The following PUS7L variants were observed in gnomAD, a reference collection of about 807,000 sequenced individuals.
PUS7L encodes pseudouridine synthase 7 like, also known as pseudouridylate synthase PUS7L.
PUS7L carries 49 observed loss-of-function variants against 51.1 expected under a neutral mutation model. The ratio of observed to expected loss-of-function variants is 0.96; its 90% CI spans 0.76 to 1.22. The LOEUF (loss-of-function observed/expected upper bound fraction) is 1.22, where lower values mean the gene tolerates loss of function less well. Among genes scored for constraint, PUS7L ranks in the 50% most tolerant of loss-of-function variants. The pLI is 0.00. For synonymous variants in PUS7L, 277 were observed against 276.2 expected (o/e 1.00, Z -0.03); for missense variants, 828 against 820.6 (o/e 1.01, Z -0.11).
At chr12:43,731,144 C>A (rs1944544746) in intron 8 of PUS7L, among the ~76,000 whole-genome samples, 2 of 152,140 alleles carry the variant, frequency 1.3e-5, no homozygotes, top group South Asian at 4.1e-4. Flanking sequence ...GCAACACATT[C>A]AATGTTTATT....
Position 43,719,001 on chromosome 12 carries a change from T to A in PUS7L, c.*11375A>T, listed in dbSNP as rs1001839661. On this transcript the variant is annotated 3_prime_UTR_variant, in exon 9 of 9. Coordinates refer to ENST00000344862, the MANE Select transcript of PUS7L (RefSeq NM_031292.5). ...TTTCCTCAAACCAAAGGATGTTTTA[T>A]AATATTTATTCTTGCATTCTAAAAA... 2.6e-5 allele frequency: 4 copies of A among 151,222 alleles called. No homozygotes were observed. Among genetic ancestry groups the A allele is most frequent in the Non-Finnish European group, 5.9e-5 (4 of 67,830 alleles). The allele number at this position is 151,222 out of a possible 1,614,324, so 9.4% of individuals were successfully genotyped here.
At position 43,730,167 on chromosome 12, in the gene PUS7L, T is replaced by C. The variant is rs991692090; in HGVS notation, c.*209A>G. The C allele has an allele frequency of 1.9e-6, 1 of 530,434 alleles. No individual in the cohort carries two copies. The highest frequency in any genetic ancestry group is 3.4e-6 in the Non-Finnish European group (1 of 298,420). The allele number at this position is 530,434 out of a possible 1,614,324, so 32.9% of individuals were successfully genotyped here. ...CATATAATAGAAAAAAAACACAGGC[T>C]TTGGGGTCACATGGACCTTAAATTT... On this transcript the variant is annotated 3_prime_UTR_variant, in exon 9 of 9. Transcript: ENST00000344862.
At chr12:43,738,986 G>T (rs944325747) in intron 5 of PUS7L, 1 of 159,850 alleles carries the variant, frequency 6.3e-6, no homozygotes, top group Non-Finnish European at 1.4e-5. Flanking sequence ...GGCTGGAGTA[G>T]AAGTAAAATT....
At chr12:43,751,532 A>AT (rs772627300) in intron 2 of PUS7L, among the ~76,000 whole-genome samples, 5 of 152,134 alleles carry the variant, frequency 3.3e-5, no homozygotes, top group African/African-American at 1.2e-4. Context: ...TGAACTCATC[A>AT]TTTTTTATGG....
Position 43,719,210 on chromosome 12 carries a change from A to T in PUS7L, c.*11166T>A, listed in dbSNP as rs914161528. On this transcript the variant is annotated 3_prime_UTR_variant, in exon 9 of 9. Coordinates refer to ENST00000344862, the MANE Select transcript of PUS7L (RefSeq NM_031292.5). ...AAACAAAATATTAACAAATAATGTG[A>T]TTGATCTCAGAAACAGTATTGAGTA... 3 of 152,180 alleles carry T rather than the reference A, an allele frequency of 2.0e-5. No homozygotes were observed. Among genetic ancestry groups the T allele is most frequent in the Non-Finnish European group, 4.4e-5 (3 of 68,024 alleles). 9.4% of individuals were successfully genotyped at this position (152,180 alleles called of 1,614,324 possible). A position where few individuals can be genotyped will look rare whatever the true frequency, so the allele number is the denominator to read the frequency against.
chr12:43,742,681 T>A, intron 4 of PUS7L, 126 bp from the exon 5 acceptor site: 1 of 1,306,600 alleles, frequency 7.7e-7, no homozygotes, highest in Non-Finnish European at 9.7e-7. Flanking sequence ...AGTATACACA[T>A]AGGGACCAAA....
At chr12:43,741,449 T>C (rs906748794) in intron 5 of PUS7L, among the ~76,000 whole-genome samples, 2 of 152,192 alleles carry the variant, frequency 1.3e-5, no homozygotes, top group Non-Finnish European at 2.9e-5. Flanking sequence ...CTTGGAAAAG[T>C]TAAGTACCTA....
intron 3 of PUS7L, among the ~76,000 whole-genome samples, chr12:43,746,983 A>G (rs1938203478): frequency 6.6e-6 from 1 of 152,198 alleles, no homozygotes. Context: ...TTTCTGCACT[A>G]TCCTGCACTT....
Position 43,721,442 on chromosome 12 carries a change from T to C in PUS7L, c.*8934A>G, listed in dbSNP as rs1219225070. On this transcript the variant is annotated 3_prime_UTR_variant, in exon 9 of 9. Transcript: ENST00000344862. Reference sequence around the variant, plus strand: ...ATACCCAATTTTAATACTCTAAACTTTCTATGAGGGGAAATAACTATTTCA... The same window carrying C: ...ATACCCAATTTTAATACTCTAAACTCTCTATGAGGGGAAATAACTATTTCA... 6.6e-6 allele frequency: 1 copy of C among 152,178 alleles called. No homozygotes were observed. The highest frequency in any genetic ancestry group is 1.5e-5 in the Non-Finnish European group (1 of 68,016). The allele number at this position is 152,178 out of a possible 1,614,324, so 9.4% of individuals were successfully genotyped here.
intron 3 of PUS7L, 30 bp downstream of exon 3, chr12:43,748,420 C>G (rs1938275767): frequency 6.6e-7 from 1 of 1,512,148 alleles, no homozygotes; most frequent in African/African-American, 1.4e-5. Context: ...CTCAAAGTTT[C>G]TATCCTAAAA....
chr12:43,733,624 G>A (rs1034301224), intron 7 of PUS7L, among the ~76,000 whole-genome samples: 10 of 152,192 alleles, frequency 6.6e-5, no homozygotes, highest in African/African-American at 2.2e-4. Flanking sequence ...TCTTGTGAAA[G>A]TAATCTTTAA....
chr12:43,726,178 A>G lies in PUS7L; in HGVS notation c.*4198T>C, dbSNP rs1388042983. Reference sequence around the variant, plus strand: ...GCTATAGTAACCAAAACAGCATGGTACTGGTACAAAAACAGACACATAGAC... The same window carrying G: ...GCTATAGTAACCAAAACAGCATGGTGCTGGTACAAAAACAGACACATAGAC... On this transcript the variant is annotated 3_prime_UTR_variant, in exon 9 of 9. Coordinates refer to ENST00000344862, the MANE Select transcript of PUS7L (RefSeq NM_031292.5). The G allele has an allele frequency of 6.6e-6, 1 of 152,210 alleles. No individual in the cohort carries two copies. The highest frequency in any genetic ancestry group is 2.4e-5 in the African/African-American group (1 of 41,456). The allele number at this position is 152,210 out of a possible 1,614,324, so 9.4% of individuals were successfully genotyped here.
Position 43,756,975 on chromosome 12 carries a change from C to G in PUS7L, c.-16-1714G>C, listed in dbSNP as rs1320248119. On this transcript the variant is annotated intron_variant, in intron 1 of 8. Transcript: ENST00000344862. ...CCAAGGACATCTAAGATTAGGGACCCTGCTTATTCTCCAAACTCATTTGTA... is the reference window on the plus strand; with the variant it reads ...CCAAGGACATCTAAGATTAGGGACCGTGCTTATTCTCCAAACTCATTTGTA... Among the ~76,000 whole-genome samples, 5 of 152,172 alleles carry G rather than the reference C, an allele frequency of 3.3e-5. No individual in the cohort carries two copies. The East Asian group carries it at 9.6e-4, about 29-fold the overall frequency.
rs1361241863 is a variant in PUS7L at position 43,721,913 on chromosome 12, A to AG, written c.*8462dup. On this transcript the variant is annotated 3_prime_UTR_variant, in exon 9 of 9. Coordinates refer to ENST00000344862, the MANE Select transcript of PUS7L (RefSeq NM_031292.5). ...ATGTGATAGGTCACAGTCAAAATGT[A>AG]GGTGCACAACATATAGTCTATTCAG... 1 of 152,224 alleles carries AG rather than the reference A, an allele frequency of 6.6e-6. No individual in the cohort carries two copies. Among genetic ancestry groups the AG allele is most frequent in the African/African-American group, 2.4e-5 (1 of 41,466 alleles). 9.4% of individuals were successfully genotyped at this position (152,224 alleles called of 1,614,324 possible). A position where few individuals can be genotyped will look rare whatever the true frequency, so the allele number is the denominator to read the frequency against.
chr12:43,727,891 AG>A lies in PUS7L; in HGVS notation c.*2484del, dbSNP rs1456603468. 6 of 152,298 alleles carry A rather than the reference AG, an allele frequency of 3.9e-5. No homozygotes were observed. Among genetic ancestry groups the A allele is most frequent in the African/African-American group, 1.4e-4 (6 of 41,560 alleles). 9.4% of individuals were successfully genotyped at this position (152,298 alleles called of 1,614,324 possible). A position where few individuals can be genotyped will look rare whatever the true frequency, so the allele number is the denominator to read the frequency against. On this transcript the variant is annotated 3_prime_UTR_variant, in exon 9 of 9. Coordinates refer to ENST00000344862, the MANE Select transcript of PUS7L (RefSeq NM_031292.5). ...AAAACTTTGGAAATGGGGCTATAGA[AG>A]GTCAGCAAAGGGTAGGTTTGAGATG...
Position 43,726,354 on chromosome 12 carries a change from G to A in PUS7L, c.*4022C>T, listed in dbSNP as rs1944454438. 1 of 152,202 alleles carries A rather than the reference G, an allele frequency of 6.6e-6. No homozygotes were observed. Among genetic ancestry groups the A allele is most frequent in the Non-Finnish European group, 1.5e-5 (1 of 68,046 alleles). 9.4% of individuals were successfully genotyped at this position (152,202 alleles called of 1,614,324 possible). On this transcript the variant is annotated 3_prime_UTR_variant, in exon 9 of 9. Coordinates refer to ENST00000344862, the MANE Select transcript of PUS7L (RefSeq NM_031292.5). The stretch of plus-strand genomic sequence containing the variant: ...ACTGGTTAGCCACATCCTGAGGATT[G>A]AAACTGGACCCCTTCTTTTTACCAT...
At position 43,736,475 on chromosome 12, in the gene PUS7L, G is replaced by A. The variant is rs866337909; in HGVS notation, c.1631C>T (p.Ser544Phe). The change falls in exon 7 of 9, where the codon TCT becomes TTT. Residue 544 changes from serine to phenylalanine, a missense_variant. Coordinates refer to ENST00000344862, the MANE Select transcript of PUS7L (RefSeq NM_031292.5). ...TGCTCCATAGGTTTCAAGTCTGTAA[G>A]ATACTGCCTCATTCCAAATTTTGCT... Reference protein sequence around the residue: ...YTSKIWNEAVSYRLETYGARV... With the variant: ...YTSKIWNEAVFYRLETYGARV... 12 of 1,614,066 alleles carry A rather than the reference G, an allele frequency of 7.4e-6. No homozygotes were observed. In the Admixed American group the frequency reaches 8.3e-5, roughly 11 times the overall value.
rs1262171927 is a variant in PUS7L at position 43,730,313 on chromosome 12, GA to G, written c.*62del. 2 of 1,228,674 alleles carry G rather than the reference GA, an allele frequency of 1.6e-6. No homozygotes were observed. Among genetic ancestry groups the G allele is most frequent in the African/African-American group, 3.0e-5 (2 of 66,098 alleles). The allele number at this position is 1,228,674 out of a possible 1,614,324, so 76.1% of individuals were successfully genotyped here. On this transcript the variant is annotated 3_prime_UTR_variant, in exon 9 of 9. Coordinates refer to ENST00000344862, the MANE Select transcript of PUS7L (RefSeq NM_031292.5). Reference sequence around the variant, plus strand: ...TTCCTAACACATGGAAGGTGCTTAAGACATTTTAGCCCCCTTTCCTTCAAAG... The same window carrying G: ...TTCCTAACACATGGAAGGTGCTTAAGCATTTTAGCCCCCTTTCCTTCAAAG...
intron 6 of PUS7L, 49 bp from the exon 7 acceptor site, chr12:43,736,710 C>T: frequency 1.3e-6 from 2 of 1,543,400 alleles, no homozygotes; most frequent in Non-Finnish European, 1.8e-6. Context: ...TATTTAAAGG[C>T]CAGTTATAAA....
Sources: gnomAD v4.1 joint callset for allele counts (sites outside exome capture counted in the v4.1 genomes callset) on GRCh38, gnomAD v4.1.1 for gene constraint, MANE v1.5 for transcripts, NCBI Gene and HGNC (gene_info 2026-07-23, HGNC 2026-07-21) for gene names.